Variants in METTL25 observed in about 807,000 individuals in gnomAD.
The protein encoded by METTL25 is probable methyltransferase-like protein 25.
Under a neutral mutation model 71.6 loss-of-function variants are expected in METTL25, and 64 were observed. The observed-to-expected ratio is 0.89, with a 90% CI of 0.73 to 1.10. The LOEUF (loss-of-function observed/expected upper bound fraction) is 1.10. Ranked by LOEUF, METTL25 falls within the 50% of genes least tolerant of loss-of-function variation. METTL25 has a pLI of 0.00. For missense variants in METTL25, 807 were observed against 707.0 expected, an observed-to-expected ratio of 1.14 and a Z score of -1.60; for synonymous variants, 287 against 250.3, an observed-to-expected ratio of 1.15 and a Z score of -1.38.
chr12:82,459,637 AAAAC>A (rs1186955675), intron 9 of METTL25, among the ~76,000 whole-genome samples: 5 of 152,322 alleles, frequency 3.3e-5, no homozygotes, highest in Middle Eastern at 3.4e-3. Flanking sequence ...CAAGAAAAGA[AAAAC>A]AAACAAACAA....
chr12:82,419,693 T>TAA (rs57698458), intron 5 of METTL25, among the ~76,000 whole-genome samples: 5,675 of 144,950 alleles, frequency 0.039, 129 homozygotes, highest in African/African-American at 0.049. Context: ...TGACTGCTAT[T>TAA]AAAAAAAAAA....
intron 5 of METTL25, among the ~76,000 whole-genome samples, chr12:82,409,455 G>A (rs1170523548): frequency 6.6e-6 from 1 of 152,066 alleles, no homozygotes; most frequent in Admixed American, 6.6e-5. Flanking sequence ...GTAAATACCA[G>A]TATAACTTGG....
intron 9 of METTL25, among the ~76,000 whole-genome samples, chr12:82,461,407 G>A (rs1367291565): frequency 1.3e-5 from 2 of 152,130 alleles, no homozygotes; most frequent in African/African-American, 2.4e-5. Context: ...TTGTTTTATA[G>A]ATGAGGAAAT....
chr12:82,386,915 T>C lies in METTL25; in HGVS notation c.372T>C (p.Thr124=). 6.2e-7 allele frequency: 1 copy of C among 1,613,482 alleles called. No individual in the cohort carries two copies. The highest frequency in any genetic ancestry group is 8.5e-7 in the Non-Finnish European group (1 of 1,179,616). ...CTGTACAAAACTTGGGAATATGTAC[T>C]CCTTTTGAACAGTTGCTTGTAGCCC... The part of the protein sequence containing the change: ...YYSVQNLGIC[T]PFEQLLVALR... Residue 124 remains threonine (T), a synonymous_variant, in exon 2 of 12, where the codon ACT becomes ACC. Transcript: ENST00000248306.
chr12:82,417,363 T>C (rs1378778888), intron 5 of METTL25, among the ~76,000 whole-genome samples: 2 of 152,144 alleles, frequency 1.3e-5, no homozygotes, highest in African/African-American at 4.8e-5. Flanking sequence ...CTCAAAATAT[T>C]AAACATTTAT....
At chr12:82,476,807 A>C in intron 10 of METTL25, 89 bp downstream of exon 10, 1 of 796,914 alleles carries the variant, frequency 1.3e-6, no homozygotes, top group Non-Finnish European at 2.0e-6. Flanking sequence ...TAAGCAATCT[A>C]TGTTGTTTTT....
rs1227747001 is a variant in METTL25, at chr12:82,399,176, A to T, written c.913A>T (p.Asn305Tyr). Reference sequence around the variant, plus strand: ...TCATTCTCAGCCACATCAAGAAGAAAATTTGTGTTTTGAAAATTCCTTTTC... The same window carrying T: ...TCATTCTCAGCCACATCAAGAAGAATATTTGTGTTTTGAAAATTCCTTTTC... ...TLHSQPHQEENLCFENSFSLI... is the reference protein window; with the variant it reads ...TLHSQPHQEEYLCFENSFSLI... Residue 305 changes from asparagine to tyrosine, a missense_variant, in exon 4 of 12, where the codon AAT becomes TAT. By Grantham distance (143) the Asn-to-Tyr change is moderately radical. Transcript: ENST00000248306. 1 of 1,613,338 alleles carries T rather than the reference A, an allele frequency of 6.2e-7. No individual in the cohort carries two copies.
Position 82,408,597 on chromosome 12 carries a change from C to CGTGTGTGTGTGTGTGT in METTL25, c.1279+5481_1279+5496dup, listed in dbSNP as rs56872887. Among the ~76,000 whole-genome samples, 450 of 147,734 alleles carry CGTGTGTGTGTGTGTGT rather than the reference C, an allele frequency of 3.0e-3. 2 individuals are homozygous for CGTGTGTGTGTGTGTGT. Among genetic ancestry groups the CGTGTGTGTGTGTGTGT allele is most frequent in the African/African-American group, 0.01 (415 of 40,050 alleles). On this transcript the variant is annotated intron_variant, in intron 5 of 11. Coordinates refer to ENST00000248306, the MANE Select transcript of METTL25 (RefSeq NM_032230.3). ...CTTTATCAATGAACAGATGTGACTCCGTGTGTGTGTGTGTGTGTGTGTGTG... is the reference window on the plus strand; with the variant it reads ...CTTTATCAATGAACAGATGTGACTCCGTGTGTGTGTGTGTGTGTGTGTGTGTGTGTGTGTGTGTGTG...
At chr12:82,445,538 T>C (rs1890678259) in intron 8 of METTL25, among the ~76,000 whole-genome samples, 1 of 152,188 alleles carries the variant, frequency 6.6e-6, no homozygotes, top group Admixed American at 6.5e-5. Context: ...GTTTCTCCAG[T>C]GGACTGTGTA....
intron 9 of METTL25, among the ~76,000 whole-genome samples, chr12:82,469,556 C>T (rs772771653): frequency 2.0e-5 from 3 of 151,974 alleles, no homozygotes; most frequent in Non-Finnish European, 4.4e-5. Flanking sequence ...ATTCAATTAC[C>T]TCCCACCAGG....
At chr12:82,416,399 A>C (rs1440147857) in intron 5 of METTL25, among the ~76,000 whole-genome samples, 4 of 151,326 alleles carry the variant, frequency 2.6e-5, no homozygotes, top group Non-Finnish European at 5.9e-5. Context: ...TTAATCCTGA[A>C]GAGTAGGTCT....
intron 5 of METTL25, among the ~76,000 whole-genome samples, chr12:82,405,092 G>A (rs1482596339): frequency 4.6e-5 from 7 of 151,860 alleles, no homozygotes; most frequent in African/African-American, 1.7e-4. Flanking sequence ...TCCTCTTCAC[G>A]CAGTGCTTTC....
intron 2 of METTL25, among the ~76,000 whole-genome samples, chr12:82,388,015 C>G (rs529911301): frequency 6.6e-6 from 1 of 152,108 alleles, no homozygotes; most frequent in African/African-American, 2.4e-5. Context: ...TCTATTTAGT[C>G]TTTTCAATCT....
At chr12:82,432,212 G>A (rs976356001) in intron 6 of METTL25, among the ~76,000 whole-genome samples, 6 of 151,594 alleles carry the variant, frequency 4.0e-5, no homozygotes, top group African/African-American at 1.2e-4. Flanking sequence ...ATAAGAAATA[G>A]TGTGCCAGTG....
chr12:82,443,283 C>T (rs1890486380), intron 8 of METTL25, among the ~76,000 whole-genome samples: 1 of 151,304 alleles, frequency 6.6e-6, no homozygotes, highest in African/African-American at 2.4e-5. Flanking sequence ...CTTAAAGCAG[C>T]CAGAGGTGAG....
At chr12:82,409,563 G>A (rs1887387993) in intron 5 of METTL25, among the ~76,000 whole-genome samples, 1 of 151,994 alleles carries the variant, frequency 6.6e-6, no homozygotes, top group Admixed American at 6.6e-5. Flanking sequence ...CCATGATTTT[G>A]TTAAGGAATC....
At chr12:82,452,884 C>G (rs1891242329) in intron 8 of METTL25, among the ~76,000 whole-genome samples, 1 of 152,076 alleles carries the variant, frequency 6.6e-6, no homozygotes, top group Non-Finnish European at 1.5e-5. Flanking sequence ...TTTAACAACA[C>G]CATTCTACTG....
chr12:82,449,650 A>G (rs1173260638), intron 8 of METTL25, among the ~76,000 whole-genome samples: 1 of 152,060 alleles, frequency 6.6e-6, no homozygotes, highest in Non-Finnish European at 1.5e-5. Flanking sequence ...GTAATACTTA[A>G]GCTGTGATTC....
intron 10 of METTL25, among the ~76,000 whole-genome samples, 178 bp downstream of exon 10, chr12:82,476,896 C>G (rs1437040226): frequency 3.3e-5 from 5 of 151,734 alleles, no homozygotes; most frequent in African/African-American, 1.2e-4. Flanking sequence ...ATAAAGAGAA[C>G]ACATGGTAGA....
Sources: allele counts gnomAD v4.1 joint callset (sites outside exome capture counted in the v4.1 genomes callset), GRCh38; gene constraint gnomAD v4.1.1; transcripts MANE v1.5; gene names NCBI Gene and HGNC (gene_info 2026-07-23, HGNC 2026-07-21).